Variants in AKAP9 observed in about 807,000 individuals in gnomAD.
The protein encoded by AKAP9 is A-kinase anchor protein 9.
AKAP9 carries 311 observed loss-of-function variants against 488.5 expected under a neutral mutation model. That is an observed-to-expected ratio of 0.64 (90% CI 0.58 to 0.70). The LOEUF is 0.70. AKAP9 is among the 30% of genes least tolerant of loss of function. The pLI is 0.00. For synonymous variants in AKAP9, 1,462 were observed against 1,483.5 expected (o/e 0.99, Z 0.33); for missense variants, 4,215 against 4,374.5 (o/e 0.96, Z 1.03).
Position 92,022,887 on chromosome 7 carries a change from A to G in AKAP9, c.4026A>G (p.Glu1342=). 6.2e-7 allele frequency: 1 copy of G among 1,612,606 alleles called. No individual in the cohort carries two copies. The highest frequency in any genetic ancestry group is 8.5e-7 in the Non-Finnish European group (1 of 1,178,724). Residue 1342 remains glutamate (E), a synonymous_variant, in exon 14 of 50, where the codon GAA becomes GAG. Transcript: ENST00000356239. Reference sequence around the variant, plus strand: ...CTAAACTTGAAGAACAAGTTCAAGAATTAGAAAGCCTCATATCCTCTTTGC... The same window carrying G: ...CTAAACTTGAAGAACAAGTTCAAGAGTTAGAAAGCCTCATATCCTCTTTGC... ...EKTKLEEQVQ[E]LESLISSLQQ... is the part of the protein sequence containing the mutation.
intron 1 of AKAP9, among the ~76,000 whole-genome samples, chr7:91,973,103 A>C (rs568707398): frequency 1.3e-5 from 2 of 152,286 alleles, no homozygotes; most frequent in African/African-American, 4.8e-5. Flanking sequence ...TGGCCAGCAC[A>C]CTGGCTCACG....
chr7:92,041,768 C>G (rs1806152552), intron 18 of AKAP9: 1 of 324,816 alleles, frequency 3.1e-6, no homozygotes, highest in East Asian at 6.3e-5. Context: ...TTCTTCATTG[C>G]ATTTTGTGAA....
At chr7:92,077,943 A>G (rs1019028596) in intron 30 of AKAP9, 68 bp downstream of exon 30, 3 of 1,086,754 alleles carry the variant, frequency 2.8e-6, no homozygotes, top group African/African-American at 3.2e-5. Context: ...AATGGTTATA[A>G]TGTTGCTCCC....
Position 92,001,131 on chromosome 7 carries a change from A to G in AKAP9, c.1214A>G (p.Gln405Arg). 2.5e-6 allele frequency: 4 copies of G among 1,614,086 alleles called. No homozygotes were observed. The highest frequency in any genetic ancestry group is 1.7e-6 in the Non-Finnish European group (2 of 1,179,964). The change falls in exon 8 of 50, where the codon CAG becomes CGG. Residue 405 changes from glutamine (Q) to arginine (R), a missense_variant. Gln to Arg is a conservative substitution (Grantham distance 43, BLOSUM62 1). Transcript: ENST00000356239. ...TTAATGGGGACAGTCGAAGAACTTCAGAAGAGAAATCATAAAGACAGCCAG... is the reference window on the plus strand; with the variant it reads ...TTAATGGGGACAGTCGAAGAACTTCGGAAGAGAAATCATAAAGACAGCCAG... The part of the protein sequence containing the change: ...KQLMGTVEEL[Q>R]KRNHKDSQFE...
rs2130861002 is a variant in AKAP9 at position 92,079,263 on chromosome 7, T to C, written c.7130T>C (p.Leu2377Pro). Residue 2377 changes from leucine (L) to proline (P), a missense_variant, in exon 31 of 50, where the codon CTC (leucine) becomes CCC (proline). By Grantham distance (98) the Leu-to-Pro change is moderately conservative (BLOSUM62 -3). Coordinates refer to ENST00000356239, the MANE Select transcript of AKAP9 (RefSeq NM_005751.5). ...AAGACATCAATGAATGCTCATTCCCTCTCAGAAGAAGCAGACAGTTTAAAA... is the reference window on the plus strand; with the variant it reads ...AAGACATCAATGAATGCTCATTCCCCCTCAGAAGAAGCAGACAGTTTAAAA... ...GQKTSMNAHSLSEEADSLKHQ... is the reference protein window; with the variant it reads ...GQKTSMNAHSPSEEADSLKHQ... 6.2e-7 allele frequency: 1 copy of C among 1,614,074 alleles called. No homozygotes were observed. The highest frequency in any genetic ancestry group is 2.2e-5 in the East Asian group (1 of 44,858).
At chr7:92,102,488 T>TACCACCACC (rs67203467) in intron 45 of AKAP9, 106 bp from the exon 46 acceptor site, 3 of 540,924 alleles carry the variant, frequency 5.5e-6, no homozygotes, top group East Asian at 8.0e-5. Flanking sequence ...CTACTACTAC[T>TACCACCACC]ACCACCACCA....
intron 3 of AKAP9, among the ~76,000 whole-genome samples, chr7:91,989,075 C>T (rs1331392569): frequency 6.6e-6 from 1 of 152,116 alleles, no homozygotes; most frequent in Non-Finnish European, 1.5e-5. Context: ...TTTTAAATTG[C>T]TCATCACTAG....
intron 1 of AKAP9, among the ~76,000 whole-genome samples, chr7:91,958,676 A>G (rs1170752330): frequency 1.3e-5 from 2 of 152,160 alleles, no homozygotes; most frequent in African/African-American, 4.8e-5. Flanking sequence ...GGCAGTAAAG[A>G]TCTTTCAAAG....
At chr7:92,021,644 G>A (rs954300594) in intron 12 of AKAP9, among the ~76,000 whole-genome samples, 2 of 151,976 alleles carry the variant, frequency 1.3e-5, no homozygotes, top group African/African-American at 4.8e-5. Context: ...TCACTATGTT[G>A]GCCAGGCTGA....
At position 92,061,253 on chromosome 7, in the gene AKAP9, T is replaced by C; in HGVS notation, c.5602-7T>C. On this transcript the variant is annotated splice_region_variant and splice_polypyrimidine_tract_variant and intron_variant, in intron 22 of 49. Transcript: ENST00000356239. ...TTCTTTTATGTATTGTTTCCCTCTT[T>C]GTTTAGCTTGAACATGCGAAAGTGA... 1 of 1,611,642 alleles carries C rather than the reference T, an allele frequency of 6.2e-7. No individual in the cohort carries two copies.
At chr7:92,097,820 G>A in intron 42 of AKAP9, 26 bp downstream of exon 42, 1 of 1,609,682 alleles carries the variant, frequency 6.2e-7, no homozygotes, top group South Asian at 1.1e-5. Flanking sequence ...CTGATCTTTG[G>A]GAAAGTAGTA....
chr7:92,016,150 G>A lies in AKAP9; in HGVS notation c.3634G>A (p.Glu1212Lys). The A allele has an allele frequency of 6.2e-7, 1 of 1,604,386 alleles. No homozygotes were observed. Among genetic ancestry groups the A allele is most frequent in the Non-Finnish European group, 8.5e-7 (1 of 1,171,980 alleles). ...ACAGACTTTATGCAGTGTCCTTGGT[G>A]AATATTATACTCCTGCTTTAAAATG... ...FLQTLCSVLG[E>K]YYTPALKCEV... Residue 1212 changes from glutamate (E) to lysine (K), a missense_variant, in exon 11 of 50, where the codon GAA becomes AAA. Transcript: ENST00000356239.
Position 92,030,000 on chromosome 7 carries a change from T to G in AKAP9, c.4245+9T>G, listed in dbSNP as rs779794787. 6.5e-7 allele frequency: 1 copy of G among 1,548,436 alleles called. No homozygotes were observed. The highest frequency in any genetic ancestry group is 8.9e-7 in the Non-Finnish European group (1 of 1,123,560). ...TTGATGGTACAATAGAGGTATTATA[T>G]TTTTAATTTTTATCTTTTAACTGTT... On this transcript the variant is annotated intron_variant, in intron 15 of 49. Transcript: ENST00000356239.
At chr7:92,067,071 A>G (rs1014554156) in intron 26 of AKAP9, among the ~76,000 whole-genome samples, 4 of 152,170 alleles carry the variant, frequency 2.6e-5, no homozygotes, top group African/African-American at 9.7e-5. Context: ...TGTTTCTGTG[A>G]CACAGCTACT....
chr7:92,102,170 A>ATAAATAAAT (rs57401286), intron 45 of AKAP9, among the ~76,000 whole-genome samples: 4 of 135,018 alleles, frequency 3.0e-5, no homozygotes, highest in African/African-American at 8.8e-5. Flanking sequence ...ATTTAAAAAA[A>ATAAATAAAT]AAATAAATAA....
intron 14 of AKAP9, among the ~76,000 whole-genome samples, chr7:92,026,788 C>T (rs796636887): frequency 9.2e-5 from 14 of 151,944 alleles, no homozygotes; most frequent in African/African-American, 2.7e-4. Flanking sequence ...TCTGCCTGGC[C>T]GCCCATCATC....
At chr7:92,040,411 A>T (rs1805874480) in intron 17 of AKAP9, among the ~76,000 whole-genome samples, 1 of 152,078 alleles carries the variant, frequency 6.6e-6, no homozygotes, top group African/African-American at 2.4e-5. Context: ...TTTCTATTAG[A>T]ATTAGATTAA....
At chr7:92,083,142 C>T (rs762828736) in intron 32 of AKAP9, 28 bp from the exon 33 acceptor site, 4 of 1,609,184 alleles carry the variant, frequency 2.5e-6, no homozygotes, top group Non-Finnish European at 3.4e-6. Flanking sequence ...TAACTGAATG[C>T]CCTACTGTTC....
intron 45 of AKAP9, 119 bp downstream of exon 45, chr7:92,101,175 G>T: frequency 2.1e-6 from 2 of 955,584 alleles, no homozygotes; most frequent in Non-Finnish European, 3.0e-6. Flanking sequence ...AGTGGTTCAC[G>T]CCTATAGTCC....
Sources: gnomAD v4.1 joint callset for allele counts (sites outside exome capture counted in the v4.1 genomes callset) on GRCh38, gnomAD v4.1.1 for gene constraint, MANE v1.5 for transcripts, NCBI Gene and HGNC (gene_info 2026-07-23, HGNC 2026-07-21) for gene names.